Variants in PCNX2 observed in about 807,000 individuals in gnomAD.
PCNX2 encodes pecanex 2.
A neutral mutation model predicts 223.8 loss-of-function variants in PCNX2; 168 were observed. The ratio of observed to expected loss-of-function variants is 0.75; its 90% CI spans 0.66 to 0.85. The LOEUF is 0.85. PCNX2 is among the 40% of genes least tolerant of loss of function. The pLI is 0.00. For synonymous variants in PCNX2, 1,006 were observed against 1,052.6 expected, an observed-to-expected ratio of 0.96 and a Z score of 0.86; for missense variants, 2,507 against 2,675.5, an observed-to-expected ratio of 0.94 and a Z score of 1.39.
At chr1:233,171,777 C>T (rs867260322) in intron 17 of PCNX2, among the ~76,000 whole-genome samples, 1 of 152,060 alleles carries the variant, frequency 6.6e-6, no homozygotes, top group Non-Finnish European at 1.5e-5. Context: ...ATTGATTATG[C>T]TTCAGTCTCT....
In PCNX2 at chr1:233,262,111, G is replaced by A; in HGVS notation, c.414C>T (p.Ser138=). 6.2e-7 allele frequency: 1 copy of A among 1,613,862 alleles called. No individual in the cohort carries two copies. The stretch of plus-strand genomic sequence containing the variant: ...TGGAGCTGCAGCGGAGGGGAGGCGT[G>A]GAGAGGTTTCGACTGGCCTCTTCCT... ...GKKEEASRNL[S]TPPLRCSSRG... The change falls in exon 3 of 34, where the codon TCC becomes TCT. Residue 138 remains serine, a synonymous_variant. Transcript: ENST00000258229.
Position 233,259,100 on chromosome 1 carries a change from C to T in PCNX2, c.762G>A (p.Lys254=). 6.2e-7 allele frequency: 1 copy of T among 1,614,012 alleles called. No individual in the cohort carries two copies. Residue 254 remains lysine, a synonymous_variant, in exon 5 of 34, where the codon AAG becomes AAA. Coordinates refer to ENST00000258229, the MANE Select transcript of PCNX2 (RefSeq NM_014801.4). ...GAGACAAAGACAGGTGGGGCAACTTCTTCAAGGGTCCCTTATCCACTAAGC... is the reference window on the plus strand; with the variant it reads ...GAGACAAAGACAGGTGGGGCAACTTTTTCAAGGGTCCCTTATCCACTAAGC... The part of the protein sequence containing the change: ...EGGLVDKGPL[K]KLPHLSLSQY...
the PCNX2 span, among the ~76,000 whole-genome samples, chr1:233,325,547 G>A: frequency 2.6e-5 from 4 of 151,808 alleles, no homozygotes; most frequent in African/African-American, 9.7e-5. Flanking sequence ...GTGGTGGTGG[G>A]CACCTGTAGT....
At chr1:233,032,031 T>C (rs756916663) in intron 25 of PCNX2, 51 of 983,074 alleles carry the variant, frequency 5.2e-5, no homozygotes, top group Non-Finnish European at 6.0e-5. Context: ...TGGCTTGCTG[T>C]ACATTAATAA....
Position 233,252,479 on chromosome 1 carries a change from C to A in PCNX2, c.2003G>T (p.Arg668Ile). ...TTAFFQGNRQ[R>I]QIIYRVTSQQ... ...GGAAGTTACCCTGTAGATTATCTGT[C>A]TTTGTCTATTGCCCTGAAAACTTAA... is the stretch of plus-strand genomic sequence containing the variant. Residue 668 changes from arginine (R) to isoleucine (I), a missense_variant, in exon 7 of 34, where the codon AGA becomes ATA. Arg to Ile is a moderately conservative substitution (Grantham distance 97). Transcript: ENST00000258229. 1 of 1,611,328 alleles carries A rather than the reference C, an allele frequency of 6.2e-7. No homozygotes were observed. Among genetic ancestry groups the A allele is most frequent in the Non-Finnish European group, 8.5e-7 (1 of 1,178,272 alleles).
At chr1:232,988,082 G>C (rs1669558060) in intron 32 of PCNX2, among the ~76,000 whole-genome samples, 2 of 152,202 alleles carry the variant, frequency 1.3e-5, no homozygotes, top group African/African-American at 2.4e-5. Context: ...CTCTTACAGA[G>C]AAAAAGGAGA....
chr1:233,033,196 C>A, intron 25 of PCNX2: 3 of 985,398 alleles, frequency 3.0e-6, no homozygotes, highest in Non-Finnish European at 3.6e-6. Flanking sequence ...CACTGTCACA[C>A]CTTTGTCACA....
At chr1:233,155,423 C>A (rs573251547) in intron 19 of PCNX2, among the ~76,000 whole-genome samples, 20 of 152,310 alleles carry the variant, frequency 1.3e-4, no homozygotes, top group African/African-American at 4.8e-4. Context: ...GTCACTGGTT[C>A]ACAGGGCTTG....
At chr1:232,999,058 C>A in intron 31 of PCNX2, 47 bp downstream of exon 31, 1 of 1,544,742 alleles carries the variant, frequency 6.5e-7, no homozygotes, top group East Asian at 2.3e-5. Context: ...GCATCCCCCA[C>A]ACCTTCCCCC....
Position 233,252,414 on chromosome 1 carries a change from C to T in PCNX2, c.2068G>A (p.Glu690Lys), listed in dbSNP as rs1659509831. ...SSVLQVISGP[E>K]TSVQEEISVD... ...GATATCTCTTCTTGTACAGATGTTT[C>T]AGGCCCACTGATGACTTGCAAGACA... Residue 690 changes from glutamate to lysine, a missense_variant, in exon 7 of 34, where the codon GAA (glutamate) becomes AAA (lysine). By Grantham distance (56) the Glu-to-Lys change is moderately conservative (BLOSUM62 1). Coordinates refer to ENST00000258229, the MANE Select transcript of PCNX2 (RefSeq NM_014801.4). 1 of 1,613,816 alleles carries T rather than the reference C, an allele frequency of 6.2e-7. No homozygotes were observed. The highest frequency in any genetic ancestry group is 1.3e-5 in the African/African-American group (1 of 75,064).
chr1:232,984,759 C>T (rs565459436), intron 33 of PCNX2: 70 of 339,698 alleles, frequency 2.1e-4, no homozygotes, highest in African/African-American at 1.3e-3. Flanking sequence ...GGCATTTGTG[C>T]GCCTGGCTTT....
At chr1:233,262,593 T>TATTCAGTTGA (rs1660113436) in intron 2 of PCNX2, among the ~76,000 whole-genome samples, 1 of 152,222 alleles carries the variant, frequency 6.6e-6, no homozygotes, top group Non-Finnish European at 1.5e-5. Flanking sequence ...ATGTAATGTA[T>TATTCAGTTGA]TACTTTTATA....
In PCNX2 at chr1:233,233,404, A is replaced by C. The variant is rs1233209361; in HGVS notation, c.2358+3441T>G. ...GCTAAACTCTACAGCTATGACAATGAAAAATAACCTCCTCTTCTCCTGTGT... is the reference window on the plus strand; with the variant it reads ...GCTAAACTCTACAGCTATGACAATGCAAAATAACCTCCTCTTCTCCTGTGT... On this transcript the variant is annotated intron_variant, in intron 9 of 33. Transcript: ENST00000258229. 2.0e-5 allele frequency among the ~76,000 whole-genome samples: 3 copies of C among 151,150 alleles called. 1 individual carries two copies. Among genetic ancestry groups the C allele is most frequent in the East Asian group, 2.0e-4 (1 of 5,106 alleles).
intron 1 of PCNX2, among the ~76,000 whole-genome samples, chr1:233,267,488 C>T (rs922190587): frequency 6.6e-6 from 1 of 152,120 alleles, no homozygotes; most frequent in African/African-American, 2.4e-5. Flanking sequence ...TCTTCCCAAA[C>T]TGAAACTGTA....
chr1:233,016,819 G>A (rs1052644878), intron 27 of PCNX2, 102 bp downstream of exon 27: 3 of 1,483,192 alleles, frequency 2.0e-6, no homozygotes, highest in Non-Finnish European at 2.7e-6. Flanking sequence ...TATCCTCTAT[G>A]TTAAAAGTCT....
intron 21 of PCNX2, among the ~76,000 whole-genome samples, chr1:233,102,768 T>C (rs1422026832): frequency 1.3e-5 from 2 of 152,230 alleles, no homozygotes; most frequent in African/African-American, 4.8e-5. Flanking sequence ...TATTAATCCC[T>C]TGTGAGTTGA....
At position 233,000,162 on chromosome 1, in the gene PCNX2, G is replaced by C; in HGVS notation, c.5328+143C>G. ...TGCCCTGCCCCACTTGCCAGCCAGC[G>C]CTCCTTCCAGAACATCCCTCTGAAC... On this transcript the variant is annotated intron_variant, in intron 30 of 33. Coordinates refer to ENST00000258229, the MANE Select transcript of PCNX2 (RefSeq NM_014801.4). The surrounding 1 kb of genome is among the most constrained non-coding windows in gnomAD (Gnocchi z 4.6). 1 of 863,086 alleles carries C rather than the reference G, an allele frequency of 1.2e-6. No homozygotes were observed. Among genetic ancestry groups the C allele is most frequent in the Non-Finnish European group, 1.9e-6 (1 of 532,902 alleles). The allele number at this position is 863,086 out of a possible 1,614,324, so 53.5% of individuals were successfully genotyped here.
At chr1:233,129,174 A>G (rs1370555286) in intron 21 of PCNX2, among the ~76,000 whole-genome samples, 4 of 152,218 alleles carry the variant, frequency 2.6e-5, no homozygotes, top group African/African-American at 9.6e-5. Flanking sequence ...TGGGCCAGCT[A>G]GAGTTCCGGA....
chr1:233,177,752 C>G, intron 17 of PCNX2, 50 bp downstream of exon 17: 1 of 1,481,454 alleles, frequency 6.8e-7, no homozygotes, highest in Admixed American at 1.7e-5. Context: ...CTGATCTCTG[C>G]TGAAAGATGA....
Sources: gnomAD v4.1 joint callset for allele counts (sites outside exome capture counted in the v4.1 genomes callset) on GRCh38, gnomAD v4.1.1 for gene constraint, Gnocchi (gnomAD v3.1) non-coding constraint, MANE v1.5 for transcripts, NCBI Gene and HGNC (gene_info 2026-07-23, HGNC 2026-07-21) for gene names.